RAI1: variants seen among roughly 807,000 people sequenced by gnomAD.
The protein encoded by RAI1 is retinoic acid-induced protein 1.
A neutral mutation model predicts 123.8 loss-of-function variants in RAI1; 9 were observed. That is an observed-to-expected ratio of 0.07 (90% CI 0.04 to 0.13). The LOEUF is 0.13. Ranked by LOEUF, RAI1 falls within the 10% of genes least tolerant of loss-of-function variation. The pLI, the probability that RAI1 is intolerant of heterozygous loss-of-function variation, is 1.00. For missense variants in RAI1, 2,256 were observed against 2,545.8 expected (o/e 0.89, Z 2.45); for synonymous variants, 1,231 against 1,127.3 (o/e 1.09, Z -1.84).
At chr17:17,718,153 G>A (rs1407095643) in intron 1 of RAI1, among the ~76,000 whole-genome samples, 8 of 152,144 alleles carry the variant, frequency 5.3e-5, no homozygotes, top group Non-Finnish European at 8.8e-5. Context: ...TCCCCTGGTC[G>A]GGAGGTGGCC....
intron 2 of RAI1, among the ~76,000 whole-genome samples, chr17:17,728,835 G>A (rs1916176978): frequency 6.6e-6 from 1 of 152,156 alleles, no homozygotes; most frequent in Admixed American, 6.5e-5. Context: ...CTCTGACCCC[G>A]AGGCCCAGAT....
chr17:17,717,447 A>AG (rs780192556), intron 1 of RAI1, among the ~76,000 whole-genome samples: 66 of 152,142 alleles, frequency 4.3e-4, no homozygotes, highest in Middle Eastern at 3.4e-3. Flanking sequence ...CAGGGTGAGC[A>AG]GGGCAGTGCT....
intron 1 of RAI1, among the ~76,000 whole-genome samples, chr17:17,690,581 G>T (rs1467006909): frequency 6.6e-6 from 1 of 152,146 alleles, no homozygotes; most frequent in African/African-American, 2.4e-5. Context: ...TCATAGTTTT[G>T]TTAAGAGGAT....
At chr17:17,713,101 A>C (rs1255466260) in intron 1 of RAI1, among the ~76,000 whole-genome samples, 2 of 152,072 alleles carry the variant, frequency 1.3e-5, no homozygotes, top group Non-Finnish European at 2.9e-5. Flanking sequence ...ATATACCAAA[A>C]CCCTGAGTTG....
intron 2 of RAI1, among the ~76,000 whole-genome samples, chr17:17,790,650 T>G (rs1463971722): frequency 6.6e-6 from 1 of 152,238 alleles, no homozygotes; most frequent in Non-Finnish European, 1.5e-5. Flanking sequence ...CGTAGAAATG[T>G]TAATGATATC....
intron 1 of RAI1, among the ~76,000 whole-genome samples, chr17:17,710,615 C>T (rs1244727278): frequency 2.0e-5 from 3 of 152,232 alleles, no homozygotes; most frequent in African/African-American, 7.2e-5. Context: ...GCACTGGTGG[C>T]TTGGCCTCAC....
Position 17,797,812 on chromosome 17 carries a change from A to C in RAI1, c.4864A>C (p.Lys1622Gln), listed in dbSNP as rs757056940. The change falls in exon 3 of 6, where the codon AAG becomes CAG. Residue 1622 changes from lysine to glutamine, a missense_variant. Lys to Gln is a moderately conservative substitution (Grantham distance 53, BLOSUM62 1). Transcript: ENST00000353383. Reference protein sequence around the residue: ...TVVNSPGDAPKPHRKPSSSAS... With the variant: ...TVVNSPGDAPQPHRKPSSSAS... ...TGTCAACTCCCCTGGAGATGCGCCC[A>C]AGCCCCACAGGAAGCCTTCCTCCTC... 1.9e-6 allele frequency: 3 copies of C among 1,613,974 alleles called. No homozygotes were observed. The South Asian group carries it at 3.3e-5, about 18-fold the overall frequency.
chr17:17,808,439 T>TTATGTTATGTTATGTTATG (rs2032642646), intron 4 of RAI1, among the ~76,000 whole-genome samples: 2 of 148,138 alleles, frequency 1.4e-5, no homozygotes, highest in African/African-American at 5.1e-5. Context: ...TTTATTTTAT[T>TTATGTTATGTTATGTTATG]TTATTTTATT....
chr17:17,769,121 A>G (rs372567751), intron 2 of RAI1, among the ~76,000 whole-genome samples: 7 of 152,018 alleles, frequency 4.6e-5, no homozygotes, highest in African/African-American at 1.4e-4. Flanking sequence ...TGCAGAAAGG[A>G]AATTAGAAAG....
rs1198795075 is a variant in RAI1 at position 17,795,833 on chromosome 17, C to T, written c.2885C>T (p.Pro962Leu). The T allele has an allele frequency of 6.2e-7, 1 of 1,613,380 alleles. No individual in the cohort carries two copies. Among genetic ancestry groups the T allele is most frequent in the African/African-American group, 1.3e-5 (1 of 74,940 alleles). The part of the protein sequence containing the change: ...GEEGPDGERA[P>L]GDSTTSDASL... Reference sequence around the variant, plus strand: ...GAGGGGCCTGATGGGGAGCGAGCTCCAGGGGATTCCACCACCTCGGACGCC... The same window carrying T: ...GAGGGGCCTGATGGGGAGCGAGCTCTAGGGGATTCCACCACCTCGGACGCC... The change falls in exon 3 of 6, where the codon CCA becomes CTA. Residue 962 changes from proline (P) to leucine (L), a missense_variant. Pro to Leu is a moderately conservative substitution (Grantham distance 98). Around this residue, in one of 7 missense-constraint regions of RAI1, gnomAD observed 566 missense variants for 616.0 expected, o/e 0.92. Coordinates refer to ENST00000353383, the MANE Select transcript of RAI1 (RefSeq NM_030665.4). The surrounding 1 kb of genome is among the most constrained non-coding windows in gnomAD (Gnocchi z 5.9).
At chr17:17,756,558 G>T (rs1299753113) in intron 2 of RAI1, among the ~76,000 whole-genome samples, 1 of 152,122 alleles carries the variant, frequency 6.6e-6, no homozygotes, top group Non-Finnish European at 1.5e-5. Context: ...CCACTGTCTT[G>T]TTCTTCACCT....
chr17:17,793,996 G>A lies in RAI1; in HGVS notation c.1048G>A (p.Val350Met), dbSNP rs746652874. 2.5e-5 allele frequency: 41 copies of A among 1,613,694 alleles called. No individual in the cohort carries two copies. The highest frequency in any genetic ancestry group is 5.3e-5 in the African/African-American group (4 of 74,854). ...PSSSHSPARS[V>M]GRSPSYSSTP... is the part of the protein sequence containing the mutation. ...CTCCAGCCACTCACCCGCCCGCTCC[G>A]TGGGCCGCTCACCTTCCTACAGTTC... The change falls in exon 3 of 6, where the codon GTG (valine) becomes ATG (methionine). Residue 350 changes from valine (V) to methionine (M), a missense_variant. By Grantham distance (21) the Val-to-Met change is conservative. This residue lies in a region of RAI1 where 357 missense variants were observed against 480.2 expected (regional missense o/e 0.74). Coordinates refer to ENST00000353383, the MANE Select transcript of RAI1 (RefSeq NM_030665.4).
At chr17:17,755,411 G>T (rs2030398281) in intron 2 of RAI1, among the ~76,000 whole-genome samples, 1 of 152,210 alleles carries the variant, frequency 6.6e-6, no homozygotes, top group Non-Finnish European at 1.5e-5. Flanking sequence ...GAACCACTTG[G>T]CAGGGTGAGT....
chr17:17,686,608 T>TGTGTGTGTGCGCGCGC (rs1491248703), intron 1 of RAI1, among the ~76,000 whole-genome samples: 22 of 137,764 alleles, frequency 1.6e-4, no homozygotes, highest in Admixed American at 3.7e-4. Context: ...TGTGTGTGTG[T>TGTGTGTGTGCGCGCGC]GCACGCGCGC....
intron 2 of RAI1, chr17:17,776,657 A>T (rs1392453320): frequency 3.0e-5 from 3 of 100,684 alleles, no homozygotes; most frequent in African/African-American, 1.4e-4. Context: ...TGCCTGGCTC[A>T]CTTTTTTTTT....
intron 2 of RAI1, among the ~76,000 whole-genome samples, chr17:17,724,447 G>A (rs1436569779): frequency 8.2e-6 from 1 of 122,484 alleles, no homozygotes; most frequent in African/African-American, 3.2e-5. Flanking sequence ...GCCACAGTTT[G>A]GTTGTGCTGG....
chr17:17,748,323 G>A (rs138230417), intron 2 of RAI1, among the ~76,000 whole-genome samples: 1 of 152,334 alleles, frequency 6.6e-6, no homozygotes, highest in African/African-American at 2.4e-5. Flanking sequence ...CAGTAAAAAG[G>A]CACTTAAACT....
At chr17:17,758,186 C>T (rs752065378) in intron 2 of RAI1, among the ~76,000 whole-genome samples, 5 of 152,228 alleles carry the variant, frequency 3.3e-5, no homozygotes, top group Non-Finnish European at 5.9e-5. Flanking sequence ...GCTGCTCCAG[C>T]GGCCGCATCC....
At chr17:17,698,308 A>C (rs946533472) in intron 1 of RAI1, among the ~76,000 whole-genome samples, 1 of 152,160 alleles carries the variant, frequency 6.6e-6, no homozygotes, top group Admixed American at 6.5e-5. Context: ...GTCTCCTGCC[A>C]CTCAAGAGTT....
Sources: allele counts gnomAD v4.1 joint callset (sites outside exome capture counted in the v4.1 genomes callset), GRCh38; gene constraint gnomAD v4.1.1; regional missense constraint gnomAD v4.1.1; non-coding constraint Gnocchi (gnomAD v3.1); transcripts MANE v1.5; gene names NCBI Gene and HGNC (gene_info 2026-07-23, HGNC 2026-07-21).